UBR1: variants seen among roughly 807,000 people sequenced by gnomAD.
UBR1 encodes ubiquitin protein ligase E3 component n-recognin 1.
A neutral mutation model predicts 242.1 loss-of-function variants in UBR1; 102 were observed. The observed-to-expected ratio is 0.42, with a 90% confidence interval of 0.36 to 0.50. The LOEUF (loss-of-function observed/expected upper bound fraction) is 0.50. Among genes scored for constraint, UBR1 ranks in the 20% least tolerant of loss-of-function variants. The pLI is 0.01. For missense variants in UBR1, 1,772 were observed against 2,101.8 expected, an observed-to-expected ratio of 0.84 and a Z score of 3.07; for synonymous variants, 675 against 684.8, an observed-to-expected ratio of 0.99 and a Z score of 0.22.
intron 40 of UBR1, among the ~76,000 whole-genome samples, chr15:42,968,108 T>C (rs2032142429): frequency 6.6e-6 from 1 of 152,108 alleles, no homozygotes; most frequent in Non-Finnish European, 1.5e-5. Flanking sequence ...GCATCAATTG[T>C]ATGGATCACT....
At chr15:43,035,576 T>C (rs1056788192) in intron 19 of UBR1, among the ~76,000 whole-genome samples, 4 of 149,684 alleles carry the variant, frequency 2.7e-5, no homozygotes, top group Non-Finnish European at 3.0e-5. Context: ...ATTTTGTAGG[T>C]TGCCTGTTCA....
At chr15:42,954,725 C>T (rs991905656) in intron 44 of UBR1, among the ~76,000 whole-genome samples, 3 of 152,134 alleles carry the variant, frequency 2.0e-5, no homozygotes, top group African/African-American at 7.2e-5. Context: ...GCCAACATAC[C>T]TGGCTAATTT....
At chr15:42,978,188 G>A (rs1269269716) in intron 37 of UBR1, among the ~76,000 whole-genome samples, 4 of 152,200 alleles carry the variant, frequency 2.6e-5, no homozygotes, top group East Asian at 3.8e-4. Context: ...GAAATGGCAC[G>A]TGAACTAGGA....
chr15:43,048,545 T>A, intron 12 of UBR1, 54 bp from the exon 13 acceptor site: 1 of 1,422,410 alleles, frequency 7.0e-7, no homozygotes, highest in Non-Finnish European at 9.8e-7. Flanking sequence ...GAGATAATTT[T>A]AAGGTTCTCA....
At chr15:43,026,528 G>C in intron 23 of UBR1, 33 bp downstream of exon 23, 1 of 1,578,074 alleles carries the variant, frequency 6.3e-7, no homozygotes. Flanking sequence ...AAAGCATTTA[G>C]GTTTATTTAC....
intron 12 of UBR1, among the ~76,000 whole-genome samples, chr15:43,054,251 T>C (rs1194594697): frequency 3.3e-5 from 5 of 151,946 alleles, no homozygotes; most frequent in Admixed American, 3.3e-4. Flanking sequence ...CATGGGAGGC[T>C]GAGGCAGGAG....
chr15:43,033,381 C>G (rs945019056), intron 19 of UBR1, among the ~76,000 whole-genome samples: 6 of 151,910 alleles, frequency 3.9e-5, no homozygotes, highest in Non-Finnish European at 1.5e-5. Flanking sequence ...CGTGGTGGTG[C>G]GCCCCTGTAA....
chr15:42,967,636 A>C (rs979163488), intron 40 of UBR1, among the ~76,000 whole-genome samples: 1 of 152,092 alleles, frequency 6.6e-6, no homozygotes, highest in Non-Finnish European at 1.5e-5. Flanking sequence ...ATAATGTATT[A>C]ATATTGGTTA....
intron 18 of UBR1, 117 bp downstream of exon 18, chr15:43,036,411 A>G: frequency 5.9e-6 from 7 of 1,195,210 alleles, no homozygotes; most frequent in Non-Finnish European, 8.7e-6. Context: ...ATGAGTCATA[A>G]TCAGTTTAAC....
At chr15:42,952,556 C>T in intron 44 of UBR1, 108 bp from the exon 45 acceptor site, 1 of 1,251,954 alleles carries the variant, frequency 8.0e-7, no homozygotes, top group African/African-American at 1.5e-5. Flanking sequence ...TGACCCCTTT[C>T]CAGCAAGGAA....
At chr15:43,097,678 A>T (rs569248990) in intron 1 of UBR1, among the ~76,000 whole-genome samples, 122 of 152,376 alleles carry the variant, frequency 8.0e-4, no homozygotes, top group African/African-American at 2.8e-3. Flanking sequence ...TTTCTTAAAC[A>T]TCACGAACCA....
chr15:43,099,429 TA>T (rs1391033929), intron 1 of UBR1, among the ~76,000 whole-genome samples: 1 of 152,238 alleles, frequency 6.6e-6, no homozygotes, highest in African/African-American at 2.4e-5. Flanking sequence ...ATTAAACTTT[TA>T]AAAAATCCTC....
chr15:43,011,794 G>T (rs1031913473), intron 29 of UBR1: 9 of 347,022 alleles, frequency 2.6e-5, no homozygotes, highest in Non-Finnish European at 5.2e-5. Flanking sequence ...AGTTCCACAA[G>T]GAGACACATA....
intron 22 of UBR1, 29 bp from the exon 23 acceptor site, chr15:43,026,692 T>G (rs2033182411): frequency 6.4e-7 from 1 of 1,552,820 alleles, no homozygotes; most frequent in Non-Finnish European, 8.9e-7. Context: ...CAAGATGAAC[T>G]GCAGTGTTCT....
chr15:42,992,724 C>T (rs1408447507), intron 33 of UBR1, among the ~76,000 whole-genome samples: 1 of 152,208 alleles, frequency 6.6e-6, no homozygotes, highest in Admixed American at 6.5e-5. Flanking sequence ...GGATTTCCCA[C>T]CCCAGTCCTC....
At chr15:43,060,344 G>C (rs1290374943) in intron 6 of UBR1, among the ~76,000 whole-genome samples, 1 of 152,208 alleles carries the variant, frequency 6.6e-6, no homozygotes, top group Non-Finnish European at 1.5e-5. Flanking sequence ...TTAAGATGCT[G>C]AGTTTCTTGC....
At position 42,981,862 on chromosome 15, in the gene UBR1, G is replaced by T. The variant is rs143837600; in HGVS notation, c.4150+2035C>A. On this transcript the variant is annotated intron_variant, in intron 37 of 46. Transcript: ENST00000290650. Reference sequence around the variant, plus strand: ...CAATCATAAGCATTAAAATGGCAAGGAACATATCTGATAGCCCTAACATCT... The same window carrying T: ...CAATCATAAGCATTAAAATGGCAAGTAACATATCTGATAGCCCTAACATCT... Among the ~76,000 whole-genome samples, 63 of 152,222 alleles carry T rather than the reference G, an allele frequency of 4.1e-4. 1 individual carries two copies. In the South Asian group the frequency reaches 5.4e-3, roughly 13 times the overall value.
chr15:43,092,375 C>T (rs893688651), intron 1 of UBR1, among the ~76,000 whole-genome samples: 2 of 152,192 alleles, frequency 1.3e-5, no homozygotes, highest in African/African-American at 4.8e-5. Context: ...TACATCTAGC[C>T]TCTTCAATTA....
intron 4 of UBR1, among the ~76,000 whole-genome samples, chr15:43,074,465 G>T (rs535689853): frequency 6.6e-6 from 1 of 152,218 alleles, no homozygotes; most frequent in Admixed American, 6.5e-5. Context: ...GTCTCACTCT[G>T]TCGCCCAGGA....
Sources: gnomAD v4.1 joint callset for allele counts (sites outside exome capture counted in the v4.1 genomes callset) on GRCh38, gnomAD v4.1.1 for gene constraint, MANE v1.5 for transcripts, NCBI Gene and HGNC (gene_info 2026-07-23, HGNC 2026-07-21) for gene names.